KIRREL3: variants seen among roughly 807,000 people sequenced by gnomAD.
KIRREL3 encodes the protein kirre like nephrin family adhesion molecule 3, also known as kin of IRRE-like protein 3.
Under a neutral mutation model 89.7 loss-of-function variants are expected in KIRREL3, and 36 were observed. The observed-to-expected ratio is 0.40, with a 90% CI of 0.31 to 0.53. The LOEUF is 0.53. KIRREL3 is among the 20% of genes least tolerant of loss of function. KIRREL3 has a pLI of 0.49. For missense variants in KIRREL3, 864 were observed against 1,056.6 expected (o/e 0.82, Z 2.53); for synonymous variants, 445 against 441.4 (o/e 1.01, Z -0.10).
intron 1 of KIRREL3, among the ~76,000 whole-genome samples, chr11:126,920,831 G>C (rs944642638): frequency 1.2e-4 from 18 of 152,104 alleles, no homozygotes; most frequent in African/African-American, 4.3e-4. Context: ...CTTTACAATT[G>C]GCCTTCTCTG....
At chr11:126,456,604 C>T (rs1014174022) in intron 6 of KIRREL3, 150 bp from the exon 7 acceptor site, 2 of 606,978 alleles carry the variant, frequency 3.3e-6, no homozygotes, top group African/African-American at 3.7e-5. Flanking sequence ...CTGGGGGCTC[C>T]ATGGGAGGTG....
At chr11:126,998,975 A>G (rs1390480468) in intron 1 of KIRREL3, among the ~76,000 whole-genome samples, 1 of 147,422 alleles carries the variant, frequency 6.8e-6, no homozygotes, top group Admixed American at 6.8e-5. Context: ...GCAAGCACAT[A>G]CACATCCAAG....
At chr11:126,986,648 G>T (rs1351946966) in intron 1 of KIRREL3, among the ~76,000 whole-genome samples, 2 of 152,198 alleles carry the variant, frequency 1.3e-5, no homozygotes, top group African/African-American at 4.8e-5. Flanking sequence ...TTTCTTTCCA[G>T]TTGTGAGAGG....
rs1330048297 is a variant in KIRREL3 at position 126,710,593 on chromosome 11, A to T, written c.56-147681T>A. ...CACCCTGTGAATAACCATCACCCCC[A>T]TATCTACTAGGGCAGGCACCCCTTC... On this transcript the variant is annotated intron_variant, in intron 1 of 16. Coordinates refer to ENST00000525144, the MANE Select transcript of KIRREL3 (RefSeq NM_032531.4). This position sits in a 1 kb window ranked among gnomAD's most constrained non-coding sequence, Gnocchi z 4.2. 1.3e-5 allele frequency among the ~76,000 whole-genome samples: 2 copies of T among 152,094 alleles called. No individual in the cohort carries two copies. The highest frequency in any genetic ancestry group is 4.8e-5 in the African/African-American group (2 of 41,420).
chr11:126,553,494 G>A lies in KIRREL3; in HGVS notation c.133+9341C>T, dbSNP rs1489875890. Among the ~76,000 whole-genome samples the A allele has an allele frequency of 6.6e-6, 1 of 152,208 alleles. No homozygotes were observed. Among genetic ancestry groups the A allele is most frequent in the Non-Finnish European group, 1.5e-5 (1 of 68,044 alleles). The stretch of plus-strand genomic sequence containing the variant: ...TAGCTCTTACTGGCATTATGTGCCT[G>A]AGAGGGTGCAAAGGGAACATGTCCA... On this transcript the variant is annotated intron_variant, in intron 2 of 16. Transcript: ENST00000525144. The surrounding 1 kb of genome is among the most constrained non-coding windows in gnomAD (Gnocchi z 4.7).
chr11:126,977,697 A>T lies in KIRREL3; in HGVS notation c.55+22758T>A, dbSNP rs1286334846. On this transcript the variant is annotated intron_variant, in intron 1 of 16. Coordinates refer to ENST00000525144, the MANE Select transcript of KIRREL3 (RefSeq NM_032531.4). The surrounding 1 kb of genome is among the most constrained non-coding windows in gnomAD (Gnocchi z 4.7). ...GAAAATGAGTTAGACTTGAGCCCAG[A>T]GTGACAGAGTCCCTTATTGATTTTT... 1.3e-5 allele frequency among the ~76,000 whole-genome samples: 2 copies of T among 152,214 alleles called. No homozygotes were observed. The highest frequency in any genetic ancestry group is 6.5e-5 in the Admixed American group (1 of 15,278).
intron 1 of KIRREL3, among the ~76,000 whole-genome samples, chr11:126,850,393 T>A (rs918163547): frequency 4.6e-5 from 7 of 152,178 alleles, no homozygotes; most frequent in African/African-American, 1.7e-4. Flanking sequence ...CTCCCAGTGC[T>A]TGCGAGTGAG....
rs936815767 is a variant in KIRREL3 at position 126,601,830 on chromosome 11, C to T, written c.56-38918G>A. 3.3e-5 allele frequency among the ~76,000 whole-genome samples: 5 copies of T among 152,194 alleles called. No homozygotes were observed. The highest frequency in any genetic ancestry group is 7.2e-5 in the African/African-American group (3 of 41,448). ...AGCTCCATTCCCTCGTGCCATCTCC[C>T]GTTTTTAAGGACTGGACTAAAGGTG... On this transcript the variant is annotated intron_variant, in intron 1 of 16. Coordinates refer to ENST00000525144, the MANE Select transcript of KIRREL3 (RefSeq NM_032531.4). The surrounding 1 kb of genome is among the most constrained non-coding windows in gnomAD (Gnocchi z 5.8).
At position 126,568,750 on chromosome 11, in the gene KIRREL3, C is replaced by T. The variant is rs1437658714; in HGVS notation, c.56-5838G>A. Among the ~76,000 whole-genome samples the T allele has an allele frequency of 2.6e-5, 4 of 152,200 alleles. No homozygotes were observed. The highest frequency in any genetic ancestry group is 5.9e-5 in the Non-Finnish European group (4 of 68,032). ...CATATGAAAAGCAAATGAGCCAACA[C>T]ATGGGCAAAAGTGCCCAGAATGAAG... On this transcript the variant is annotated intron_variant, in intron 1 of 16. Coordinates refer to ENST00000525144, the MANE Select transcript of KIRREL3 (RefSeq NM_032531.4). The surrounding 1 kb of genome is among the most constrained non-coding windows in gnomAD (Gnocchi z 4.6).
At position 126,995,471 on chromosome 11, in the gene KIRREL3, T is replaced by A. The variant is rs1003368687; in HGVS notation, c.55+4984A>T. 2.6e-6 allele frequency: 1 copy of A among 377,452 alleles called. No individual in the cohort carries two copies. Among genetic ancestry groups the A allele is most frequent in the African/African-American group, 2.1e-5 (1 of 47,174 alleles). The allele number at this position is 377,452 out of a possible 1,614,324, so 23.4% of individuals were successfully genotyped here. ...CGCCTGCACTGTTTTTCACCTAAGGTCATCTCGACAATTTACAAGGATAAG... is the reference window on the plus strand; with the variant it reads ...CGCCTGCACTGTTTTTCACCTAAGGACATCTCGACAATTTACAAGGATAAG... On this transcript the variant is annotated intron_variant, in intron 1 of 16. Coordinates refer to ENST00000525144, the MANE Select transcript of KIRREL3 (RefSeq NM_032531.4). The surrounding 1 kb of genome is among the most constrained non-coding windows in gnomAD (Gnocchi z 6.5).
At chr11:126,465,587 C>G (rs1956696432) in intron 5 of KIRREL3, among the ~76,000 whole-genome samples, 1 of 152,334 alleles carries the variant, frequency 6.6e-6, no homozygotes, top group South Asian at 2.1e-4. Context: ...GGGCCAGAGC[C>G]TCTATATAGA....
chr11:126,628,278 C>T lies in KIRREL3; in HGVS notation c.56-65366G>A, dbSNP rs979419632. Among the ~76,000 whole-genome samples the T allele has an allele frequency of 2.0e-5, 3 of 152,168 alleles. No homozygotes were observed. The highest frequency in any genetic ancestry group is 4.4e-5 in the Non-Finnish European group (3 of 68,034). On this transcript the variant is annotated intron_variant, in intron 1 of 16. Coordinates refer to ENST00000525144, the MANE Select transcript of KIRREL3 (RefSeq NM_032531.4). This position sits in a 1 kb window ranked among gnomAD's most constrained non-coding sequence, Gnocchi z 5.2. ...ACTCTTTCTCTCCAGCCTGGCCTCG[C>T]CTTCTCTGTGAGAAGGAAAATGAGA... is the stretch of plus-strand genomic sequence containing the variant.
chr11:126,549,668 A>G (rs1939103162), intron 2 of KIRREL3: 1 of 152,312 alleles, frequency 6.6e-6, no homozygotes, highest in African/African-American at 2.4e-5. Context: ...GGATGGAAGG[A>G]AGAAGCAGAG....
At chr11:126,518,362 C>T (rs1958481345) in intron 4 of KIRREL3, among the ~76,000 whole-genome samples, 2 of 152,218 alleles carry the variant, frequency 1.3e-5, no homozygotes, top group Admixed American at 6.5e-5. Flanking sequence ...TATAATCTCT[C>T]GTATTTGCCC....
At chr11:126,649,585 C>T (rs1944828129) in intron 1 of KIRREL3, among the ~76,000 whole-genome samples, 1 of 152,198 alleles carries the variant, frequency 6.6e-6, no homozygotes, top group Admixed American at 6.5e-5. Context: ...AAATGATCTC[C>T]TTTGACTCCA....
At chr11:126,968,822 G>C (rs560813322) in intron 1 of KIRREL3, among the ~76,000 whole-genome samples, 1 of 152,072 alleles carries the variant, frequency 6.6e-6, no homozygotes, top group Non-Finnish European at 1.5e-5. Context: ...AAGGGGCAGG[G>C]GCAGTAGATG....
rs563919845 is a variant in KIRREL3 at position 126,641,725 on chromosome 11, C to T, written c.56-78813G>A. 3.4e-4 allele frequency among the ~76,000 whole-genome samples: 52 copies of T among 152,276 alleles called. No homozygotes were observed. The highest frequency in any genetic ancestry group is 6.5e-4 in the Non-Finnish European group (44 of 68,030). ...CTCCTTCTCTCTTTGTACCCAGAGG[C>T]TCCAGCATATTTGCATAGCATTTAT... On this transcript the variant is annotated intron_variant, in intron 1 of 16. Transcript: ENST00000525144. This position sits in a 1 kb window ranked among gnomAD's most constrained non-coding sequence, Gnocchi z 5.0.
In KIRREL3 at chr11:126,903,492, C is replaced by T. The variant is rs191210189; in HGVS notation, c.55+96963G>A. Among the ~76,000 whole-genome samples, 41 of 152,278 alleles carry T rather than the reference C, an allele frequency of 2.7e-4. No individual in the cohort carries two copies. In the East Asian group the frequency reaches 4.4e-3, roughly 16 times the overall value. ...ACTCAGCAAAGCAAGGAGAGCTGAG[C>T]GTTTTTCCGACTTAGCTTTTCTTTC... On this transcript the variant is annotated intron_variant, in intron 1 of 16. Transcript: ENST00000525144. This position sits in a 1 kb window ranked among gnomAD's most constrained non-coding sequence, Gnocchi z 4.5.
In KIRREL3 at chr11:126,467,629, CTTT is replaced by C. The variant is rs546070258; in HGVS notation, c.592-4325_592-4323del. Among the ~76,000 whole-genome samples the C allele has an allele frequency of 7.2e-4, 102 of 140,848 alleles. 1 individual carries two copies. Among genetic ancestry groups the C allele is most frequent in the Middle Eastern group, 3.6e-3 (1 of 274 alleles). The allele number at this position is 140,848 out of a possible 152,430, so 92.4% of individuals were successfully genotyped here. ...CTCACCTTCCCCACCTGCTGGGTCC[CTTT>C]TTTTTTTTTTTTAAAAAATCATGGC... On this transcript the variant is annotated intron_variant, in intron 5 of 16. Coordinates refer to ENST00000525144, the MANE Select transcript of KIRREL3 (RefSeq NM_032531.4).
Sources: allele counts gnomAD v4.1 joint callset (sites outside exome capture counted in the v4.1 genomes callset), GRCh38; gene constraint gnomAD v4.1.1; non-coding constraint Gnocchi (gnomAD v3.1); transcripts MANE v1.5; gene names NCBI Gene and HGNC (gene_info 2026-07-23, HGNC 2026-07-21).